DUSP2: variants seen among roughly 807,000 people sequenced by gnomAD.
DUSP2 encodes the protein dual specificity protein phosphatase 2.
DUSP2 carries 20 observed loss-of-function variants against 23.3 expected under a neutral mutation model. The observed-to-expected ratio is 0.86, with a 90% confidence interval of 0.60 to 1.25. The LOEUF is 1.25. DUSP2 is among the 50% of genes most tolerant of loss of function. DUSP2 has a pLI of 0.00. For missense variants in DUSP2, 435 were observed against 452.6 expected, an observed-to-expected ratio of 0.96 and a Z score of 0.35; for synonymous variants, 231 against 209.7, an observed-to-expected ratio of 1.10 and a Z score of -0.88.
Position 96,144,348 on chromosome 2 carries a change from T to G in DUSP2, c.536A>C (p.Tyr179Ser). 6.2e-7 allele frequency: 1 copy of G among 1,613,244 alleles called. No individual in the cohort carries two copies. The highest frequency in any genetic ancestry group is 8.5e-7 in the Non-Finnish European group (1 of 1,179,850). The part of the protein sequence containing the change: ...DQGGPVEILP[Y>S]LFLGSCSHSS... Reference sequence around the variant, plus strand: ...GTGACTGCAGCTGCCCAGGAACAGGTAGGGCAAGATCTCCACAGGGCCACC... The same window carrying G: ...GTGACTGCAGCTGCCCAGGAACAGGGAGGGCAAGATCTCCACAGGGCCACC... Residue 179 changes from tyrosine (Y) to serine (S), a missense_variant, in exon 3 of 4, where the codon TAC becomes TCC. Transcript: ENST00000288943.
At position 96,144,995 on chromosome 2, in the gene DUSP2, C is replaced by A; in HGVS notation, c.360G>T (p.Ala120=). The change falls in exon 1 of 4, where the codon GCG becomes GCT. Residue 120 remains alanine (A), a synonymous_variant. Transcript: ENST00000288943. ...LLAALLHETR[A]GPTAVYFLRG... is the part of the protein sequence containing the mutation. ...GCAGGAAGTACACGGCAGTGGGCCC[C>A]GCGCGGGTCTCGTGCAGCAGCGCGG... 1 of 1,543,546 alleles carries A rather than the reference C, an allele frequency of 6.5e-7. No individual in the cohort carries two copies. The highest frequency in any genetic ancestry group is 2.4e-5 in the East Asian group (1 of 41,764).
chr2:96,143,226 T>C lies in DUSP2; in HGVS notation c.*597A>G, dbSNP rs1177252002. On this transcript the variant is annotated 3_prime_UTR_variant, in exon 4 of 4. Transcript: ENST00000288943. The stretch of plus-strand genomic sequence containing the variant: ...ATATCCTGAATGTTCTGTATAAATA[T>C]AAAGTGCTAAGTTTCCAACCCCTGC... 1 of 153,496 alleles carries C rather than the reference T, an allele frequency of 6.5e-6. No homozygotes were observed. The highest frequency in any genetic ancestry group is 1.5e-5 in the Non-Finnish European group (1 of 68,782). The allele number at this position is 153,496 out of a possible 1,614,324, so 9.5% of individuals were successfully genotyped here. A position where few individuals can be genotyped will look rare whatever the true frequency, so the allele number is the denominator to read the frequency against.
Position 96,145,075 on chromosome 2 carries a change from C to A in DUSP2, c.280G>T (p.Gly94Cys). The change falls in exon 1 of 4, where the codon GGC becomes TGC. Residue 94 changes from glycine to cysteine, a missense_variant. Gly to Cys is a radical substitution (Grantham distance 159, BLOSUM62 -3). Coordinates refer to ENST00000288943, the MANE Select transcript of DUSP2 (RefSeq NM_004418.4). Reference protein sequence around the residue: ...ELARAVVLDEGSASVAELRPD... With the variant: ...ELARAVVLDECSASVAELRPD... ...CGGAGCTCCGCCACCGAGGCACTGC[C>A]CTCGTCCAGCACCACGGCCCGCGCC... 1 of 1,512,228 alleles carries A rather than the reference C, an allele frequency of 6.6e-7. No individual in the cohort carries two copies. The allele number at this position is 1,512,228 out of a possible 1,614,324, so 93.7% of individuals were successfully genotyped here.
At position 96,143,713 on chromosome 2, in the gene DUSP2, G is replaced by T; in HGVS notation, c.*110C>A. ...TGGGGGCTTCTGAAACTCTGAGGAG[G>T]TAGCAGCCCTGCCAGAGGTGAGGGG... On this transcript the variant is annotated 3_prime_UTR_variant, in exon 4 of 4. Coordinates refer to ENST00000288943, the MANE Select transcript of DUSP2 (RefSeq NM_004418.4). The T allele has an allele frequency of 7.6e-7, 1 of 1,315,788 alleles. No individual in the cohort carries two copies. Among genetic ancestry groups the T allele is most frequent in the Non-Finnish European group, 1.0e-6 (1 of 960,924 alleles). The allele number at this position is 1,315,788 out of a possible 1,614,324, so 81.5% of individuals were successfully genotyped here.
rs764240732 is a variant in DUSP2, at chr2:96,145,355, G to C, written c.-1C>G. On this transcript the variant is annotated 5_prime_UTR_variant, in exon 1 of 4. Coordinates refer to ENST00000288943, the MANE Select transcript of DUSP2 (RefSeq NM_004418.4). Reference sequence around the variant, plus strand: ...GCTCGCGCGCCGCCTCCAGCCCCATGGCCACCGGTGCCTCTTCCTCTTCCT... The same window carrying C: ...GCTCGCGCGCCGCCTCCAGCCCCATCGCCACCGGTGCCTCTTCCTCTTCCT... The C allele has an allele frequency of 2.1e-6, 3 of 1,403,742 alleles. No individual in the cohort carries two copies. The highest frequency in any genetic ancestry group is 2.8e-5 in the East Asian group (1 of 36,092). The allele number at this position is 1,403,742 out of a possible 1,614,324, so 87.0% of individuals were successfully genotyped here. A position where few individuals can be genotyped will look rare whatever the true frequency, so the allele number is the denominator to read the frequency against.
At position 96,143,467 on chromosome 2, in the gene DUSP2, G is replaced by A; in HGVS notation, c.*356C>T. ...ACAGACAGGGCTCCTGGTTGTCACAGCTTGTTCCTTGGAGCTCTCAGGCTG... is the reference window on the plus strand; with the variant it reads ...ACAGACAGGGCTCCTGGTTGTCACAACTTGTTCCTTGGAGCTCTCAGGCTG... On this transcript the variant is annotated 3_prime_UTR_variant, in exon 4 of 4. Transcript: ENST00000288943. The A allele has an allele frequency of 4.3e-6, 1 of 233,844 alleles. No homozygotes were observed. Among genetic ancestry groups the A allele is most frequent in the Non-Finnish European group, 8.6e-6 (1 of 116,838 alleles). 14.5% of individuals were successfully genotyped at this position (233,844 alleles called of 1,614,324 possible).
Position 96,144,151 on chromosome 2 carries a change from T to C in DUSP2, c.730+3A>G. On this transcript the variant is annotated splice_donor_region_variant and intron_variant, in intron 3 of 3. Transcript: ENST00000288943. ...GGATTTCTGGGCAGAGGTGCCCCCT[T>C]ACCAATGAAGCCTATGGCCTCCTGG... 6.2e-7 allele frequency: 1 copy of C among 1,613,978 alleles called. No individual in the cohort carries two copies. The highest frequency in any genetic ancestry group is 1.7e-4 in the Middle Eastern group (1 of 6,060).
chr2:96,144,661 G>A (rs564414409), intron 2 of DUSP2, 100 bp downstream of exon 2: 2 of 1,171,328 alleles, frequency 1.7e-6, no homozygotes, highest in Middle Eastern at 2.1e-4. Flanking sequence ...GTGTATATGG[G>A]CAAACTGCTC....
At chr2:96,144,662 CA>C in intron 2 of DUSP2, 98 bp downstream of exon 2, 1 of 1,181,792 alleles carries the variant, frequency 8.5e-7, no homozygotes, top group Middle Eastern at 2.1e-4. Context: ...TGTATATGGG[CA>C]AACTGCTCGC....
chr2:96,145,087 C>G lies in DUSP2; in HGVS notation c.268G>C (p.Val90Leu), dbSNP rs1316799498. The change falls in exon 1 of 4, where the codon GTG becomes CTG. Residue 90 changes from valine to leucine, a missense_variant. Transcript: ENST00000288943. ...LVRGELARAV[V>L]LDEGSASVAE... The stretch of plus-strand genomic sequence containing the variant: ...ACCGAGGCACTGCCCTCGTCCAGCA[C>G]CACGGCCCGCGCCAGCTCCCCGCGG... 6.8e-7 allele frequency: 1 copy of G among 1,468,802 alleles called. No individual in the cohort carries two copies. Among genetic ancestry groups the G allele is most frequent in the Non-Finnish European group, 8.9e-7 (1 of 1,118,776 alleles). The allele number at this position is 1,468,802 out of a possible 1,614,324, so 91.0% of individuals were successfully genotyped here. A position where few individuals can be genotyped will look rare whatever the true frequency, so the allele number is the denominator to read the frequency against.
intron 2 of DUSP2, 158 bp from the exon 3 acceptor site, chr2:96,144,531 G>A (rs1682466937): frequency 3.9e-6 from 3 of 761,452 alleles, no homozygotes; most frequent in South Asian, 1.8e-5. Context: ...AGGACACACC[G>A]GGACATACAT....
At position 96,145,403 on chromosome 2, in the gene DUSP2, G is replaced by A. The variant is rs1219491655; in HGVS notation, c.-49C>T. The stretch of plus-strand genomic sequence containing the variant: ...CCTTTCGGTCTTTCCCGCGTCCCGG[G>A]CTCTCGTGGCGGTGGCGCTGCCCGA... On this transcript the variant is annotated 5_prime_UTR_variant, in exon 1 of 4. Coordinates refer to ENST00000288943, the MANE Select transcript of DUSP2 (RefSeq NM_004418.4). 7.6e-7 allele frequency: 1 copy of A among 1,321,670 alleles called. No individual in the cohort carries two copies. Among genetic ancestry groups the A allele is most frequent in the Non-Finnish European group, 9.7e-7 (1 of 1,034,572 alleles). The allele number at this position is 1,321,670 out of a possible 1,614,324, so 81.9% of individuals were successfully genotyped here.
rs780776323 is a variant in DUSP2, at chr2:96,143,666, C to T, written c.*157G>A. 20 of 859,228 alleles carry T rather than the reference C, an allele frequency of 2.3e-5. No homozygotes were observed. Among genetic ancestry groups the T allele is most frequent in the African/African-American group, 3.4e-5 (2 of 58,368 alleles). 53.2% of individuals were successfully genotyped at this position (859,228 alleles called of 1,614,324 possible). A position where few individuals can be genotyped will look rare whatever the true frequency, so the allele number is the denominator to read the frequency against. On this transcript the variant is annotated 3_prime_UTR_variant, in exon 4 of 4. Coordinates refer to ENST00000288943, the MANE Select transcript of DUSP2 (RefSeq NM_004418.4). ...CACCAGGTCGGAAAGACCAGCATGC[C>T]GGCATTCCTAGAGCCCCCATGTGGG...
chr2:96,143,536 A>G lies in DUSP2; in HGVS notation c.*287T>C, dbSNP rs758445503. The G allele has an allele frequency of 2.2e-6, 1 of 448,212 alleles. No individual in the cohort carries two copies. The highest frequency in any genetic ancestry group is 4.1e-6 in the Non-Finnish European group (1 of 242,252). The allele number at this position is 448,212 out of a possible 1,614,324, so 27.8% of individuals were successfully genotyped here. On this transcript the variant is annotated 3_prime_UTR_variant, in exon 4 of 4. Transcript: ENST00000288943. ...TGGTGGACCAGGGAGAGTCCACGGT[A>G]TAGCGTCTAGCTGATTTCTGCCAGA...
chr2:96,144,667 T>C (rs1368191969), intron 2 of DUSP2, 94 bp downstream of exon 2: 2 of 1,215,746 alleles, frequency 1.6e-6, no homozygotes, highest in Non-Finnish European at 2.3e-6. Flanking sequence ...ATGGGCAAAC[T>C]GCTCGCATCC....
rs1682450732 is a variant in DUSP2 at position 96,143,946 on chromosome 2, C to T, written c.822G>A (p.Gln274=). 6.2e-7 allele frequency: 1 copy of T among 1,613,726 alleles called. No homozygotes were observed. Among genetic ancestry groups the T allele is most frequent in the South Asian group, 1.1e-5 (1 of 91,086 alleles). Reference sequence around the variant, plus strand: ...CCTCGTCCAGCCGCACACGGCGACTCTGCATGAGGTATGCCAGACAGATGG... The same window carrying T: ...CCTCGTCCAGCCGCACACGGCGACTTTGCATGAGGTATGCCAGACAGATGG... The part of the protein sequence containing the change: ...SATICLAYLM[Q]SRRVRLDEAF... Residue 274 remains glutamine, a synonymous_variant, in exon 4 of 4, where the codon CAG becomes CAA. Transcript: ENST00000288943.
intron 2 of DUSP2, 30 bp downstream of exon 2, chr2:96,144,731 G>A: frequency 2.0e-6 from 3 of 1,517,122 alleles, no homozygotes; most frequent in Non-Finnish European, 2.7e-6. Context: ...GGGAGAGAGG[G>A]AGGTTCGGGG....
rs1682456756 is a variant in DUSP2 at position 96,144,186 on chromosome 2, C to T, written c.698G>A (p.Ser233Asn). 1 of 1,614,176 alleles carries T rather than the reference C, an allele frequency of 6.2e-7. No homozygotes were observed. The highest frequency in any genetic ancestry group is 8.5e-7 in the Non-Finnish European group (1 of 1,180,044). The change falls in exon 3 of 4, where the codon AGT (serine) becomes AAT (asparagine). Residue 233 changes from serine (S) to asparagine (N), a missense_variant. Ser to Asn is a conservative substitution (Grantham distance 46, BLOSUM62 1). Transcript: ENST00000288943. Reference sequence around the variant, plus strand: ...GCCTATGGCCTCCTGGAACCAGGCACTGATCTCCACCATCTGGTTGTCCTC... The same window carrying T: ...GCCTATGGCCTCCTGGAACCAGGCATTGATCTCCACCATCTGGTTGTCCTC... ...PVEDNQMVEI[S>N]AWFQEAIGFI... is the part of the protein sequence containing the mutation.
In DUSP2 at chr2:96,144,843, C is replaced by G. The variant is rs752250965; in HGVS notation, c.428G>C (p.Cys143Ser). 1.3e-6 allele frequency: 2 copies of G among 1,558,800 alleles called. No homozygotes were observed. The highest frequency in any genetic ancestry group is 2.0e-5 in the Admixed American group (1 of 51,230). ...CAGCGCAGGGGCGGGGGCCTCAGAG[C>G]ACAGATCGGGACAGCAGCCCTGGAA... ...DGFQGCCPDL[C>S]SEAPAPALPP... Residue 143 changes from cysteine (C) to serine (S), a missense_variant, in exon 2 of 4, where the codon TGC becomes TCC. Transcript: ENST00000288943.
Sources: allele counts gnomAD v4.1 joint callset, GRCh38; gene constraint gnomAD v4.1.1; transcripts MANE v1.5; gene names NCBI Gene and HGNC (gene_info 2026-07-23, HGNC 2026-07-21).